The following AMPH variants were observed in gnomAD, a reference collection of about 807,000 sequenced individuals.
AMPH encodes amphiphysin (Stiff-Mann syndrome with breast cancer 128kD autoantigen).
AMPH carries 49 observed loss-of-function variants against 99.1 expected under a neutral mutation model. The ratio of observed to expected loss-of-function variants is 0.49; its 90% CI spans 0.39 to 0.63. AMPH has a LOEUF of 0.63. AMPH is among the 20% of genes least tolerant of loss of function. AMPH has a pLI of 0.00. For synonymous variants in AMPH, 314 were observed against 317.3 expected, an observed-to-expected ratio of 0.99 and a Z score of 0.11; for missense variants, 759 against 863.4, an observed-to-expected ratio of 0.88 and a Z score of 1.52.
intron 7 of AMPH, among the ~76,000 whole-genome samples, chr7:38,469,067 T>C (rs1258431229): frequency 1.0e-5 from 1 of 97,770 alleles, no homozygotes. Context: ...GGCAGGAGAA[T>C]GGCGTGAACC....
chr7:38,613,734 CA>C (rs1318963747), intron 1 of AMPH, among the ~76,000 whole-genome samples: 2 of 143,510 alleles, frequency 1.4e-5, no homozygotes, highest in Non-Finnish European at 3.0e-5. Context: ...TTTTGTTTCA[CA>C]AAAAAATGGC....
At chr7:38,576,106 G>A (rs1371928893) in intron 1 of AMPH, among the ~76,000 whole-genome samples, 3 of 152,194 alleles carry the variant, frequency 2.0e-5, no homozygotes, top group Admixed American at 6.5e-5. Context: ...GTGGTGCTAT[G>A]TAAGATCACA....
chr7:38,467,696 G>A, intron 7 of AMPH, among the ~76,000 whole-genome samples: 1 of 150,290 alleles, frequency 6.7e-6, no homozygotes, highest in Non-Finnish European at 1.5e-5. Flanking sequence ...ATATATATGT[G>A]TATATATATA....
chr7:38,604,294 C>T (rs1270932427), intron 1 of AMPH, among the ~76,000 whole-genome samples: 2 of 152,172 alleles, frequency 1.3e-5, no homozygotes, highest in African/African-American at 4.8e-5. Context: ...TGCAGGCAGA[C>T]GAATTTTGAC....
intron 3 of AMPH, among the ~76,000 whole-genome samples, chr7:38,500,813 C>T (rs1187811157): frequency 6.6e-6 from 1 of 152,096 alleles, no homozygotes; most frequent in Non-Finnish European, 1.5e-5. Flanking sequence ...ATGATGAGCT[C>T]CATCAAACTG....
At chr7:38,503,595 A>G in intron 3 of AMPH, 55 bp downstream of exon 3, 2 of 1,573,464 alleles carry the variant, frequency 1.3e-6, no homozygotes, top group Non-Finnish European at 1.7e-6. Flanking sequence ...TCACTCATGA[A>G]TTCCAAGAAC....
At chr7:38,609,877 C>T (rs538264439) in intron 1 of AMPH, among the ~76,000 whole-genome samples, 1 of 152,088 alleles carries the variant, frequency 6.6e-6, no homozygotes, top group Admixed American at 6.6e-5. Flanking sequence ...AGTCCATAAG[C>T]TTTTTCAAAA....
rs113998197 is a variant in AMPH at position 38,556,372 on chromosome 7, A to T, written c.70-21361T>A. On this transcript the variant is annotated intron_variant, in intron 1 of 20. Transcript: ENST00000356264. ...CCCTGCTAGGCATAAGAGGAAAAAA[A>T]ATGAATGAGAAACTGCCCAGGCCTT... Among the ~76,000 whole-genome samples the T allele has an allele frequency of 2.7e-3, 415 of 152,318 alleles. 5 individuals carry two copies. The highest frequency in any genetic ancestry group is 9.4e-3 in the African/African-American group (390 of 41,566).
intron 1 of AMPH, among the ~76,000 whole-genome samples, chr7:38,620,337 T>G (rs1239047641): frequency 3.3e-4 from 5 of 14,944 alleles, no homozygotes; most frequent in Non-Finnish European, 9.8e-4. Context: ...GATATATATA[T>G]GTGTGTGTGT....
chr7:38,591,328 C>T (rs1451188317), intron 1 of AMPH, among the ~76,000 whole-genome samples: 2 of 148,404 alleles, frequency 1.3e-5, no homozygotes, highest in South Asian at 2.1e-4. Context: ...TCTCTTGTCA[C>T]CCAGGCTAGA....
At chr7:38,594,366 C>T (rs1792973147) in intron 1 of AMPH, among the ~76,000 whole-genome samples, 1 of 152,140 alleles carries the variant, frequency 6.6e-6, no homozygotes, top group Non-Finnish European at 1.5e-5. Flanking sequence ...CCTAAAACAC[C>T]CTTTCCTCCT....
intron 1 of AMPH, among the ~76,000 whole-genome samples, chr7:38,624,199 G>A (rs562371268): frequency 2.0e-5 from 3 of 151,986 alleles, no homozygotes; most frequent in Non-Finnish European, 4.4e-5. Flanking sequence ...CATACAATTC[G>A]CAAGATATTT....
chr7:38,525,303 GA>G (rs1790137372), intron 2 of AMPH, among the ~76,000 whole-genome samples: 2 of 147,044 alleles, frequency 1.4e-5, no homozygotes, highest in African/African-American at 5.1e-5. Context: ...GAGAGAGAGA[GA>G]GAGAGAGAGG....
Position 38,432,180 on chromosome 7 carries a change from G to A in AMPH, c.1158+9C>T, listed in dbSNP as rs749091222. On this transcript the variant is annotated intron_variant, in intron 13 of 20. Transcript: ENST00000356264. ...GATACATGAAAAAACAGAGTTATTA[G>A]TGGCTTACCGTCCATAGGTCCCAGG... 2.5e-6 allele frequency: 4 copies of A among 1,610,920 alleles called. No homozygotes were observed. The highest frequency in any genetic ancestry group is 3.3e-5 in the Admixed American group (2 of 59,992).
intron 7 of AMPH, among the ~76,000 whole-genome samples, chr7:38,467,221 C>T (rs770192074): frequency 9.2e-5 from 14 of 152,054 alleles, no homozygotes; most frequent in Non-Finnish European, 1.9e-4. Flanking sequence ...TGCCAGACCA[C>T]GAAGCACAAT....
intron 18 of AMPH, 134 bp from the exon 19 acceptor site, chr7:38,392,151 G>GA: frequency 8.3e-6 from 7 of 838,370 alleles, no homozygotes; most frequent in Non-Finnish European, 1.1e-5. Flanking sequence ...GCCAGACTCA[G>GA]GTCTGGGCCT....
chr7:38,411,332 G>A (rs978745800), intron 17 of AMPH, among the ~76,000 whole-genome samples: 13 of 152,162 alleles, frequency 8.5e-5, no homozygotes, highest in Admixed American at 5.9e-4. Context: ...GACACACACA[G>A]TAGTCCTCAA....
At chr7:38,629,123 G>A (rs780195545) in intron 1 of AMPH, among the ~76,000 whole-genome samples, 4 of 152,142 alleles carry the variant, frequency 2.6e-5, no homozygotes, top group African/African-American at 4.8e-5. Flanking sequence ...AGGGAATCAC[G>A]TGGGGATATG....
Position 38,598,251 on chromosome 7 carries a change from T to TG in AMPH, c.69+33031_69+33032insC, listed in dbSNP as rs1554372505. Among the ~76,000 whole-genome samples the TG allele has an allele frequency of 8.7e-4, 132 of 152,252 alleles. 1 individual carries two copies. The highest frequency in any genetic ancestry group is 1.5e-3 in the Non-Finnish European group (100 of 68,012). ...GTCATTACTTGTGTTCGCAATGTTT[T>TG]TTGTTGTTGTTGTTGTTCTTTTGTT... is the stretch of plus-strand genomic sequence containing the variant. On this transcript the variant is annotated intron_variant, in intron 1 of 20. Coordinates refer to ENST00000356264, the MANE Select transcript of AMPH (RefSeq NM_001635.4).
Sources: gnomAD v4.1 joint callset for allele counts (sites outside exome capture counted in the v4.1 genomes callset) on GRCh38, gnomAD v4.1.1 for gene constraint, MANE v1.5 for transcripts, NCBI Gene and HGNC (gene_info 2026-07-23, HGNC 2026-07-21) for gene names.